Variants in PRKN observed in about 807,000 individuals in gnomAD.
The protein encoded by PRKN is parkin RBR E3 ubiquitin protein ligase.
In PRKN, 56 loss-of-function variants were observed where a neutral mutation model predicts 59.5. The observed-to-expected ratio is 0.94, with a 90% CI of 0.76 to 1.18. The LOEUF (loss-of-function observed/expected upper bound fraction) is 1.18. PRKN is among the 50% of genes most tolerant of loss of function. PRKN has a pLI of 0.00. For missense variants in PRKN, 657 were observed against 596.4 expected, an observed-to-expected ratio of 1.10 and a Z score of -1.06; for synonymous variants, 250 against 222.1, an observed-to-expected ratio of 1.13 and a Z score of -1.12.
intron 5 of PRKN, among the ~76,000 whole-genome samples, chr6:162,035,698 T>G (rs577835050): frequency 7.2e-5 from 11 of 152,272 alleles, no homozygotes; most frequent in African/African-American, 2.6e-4. Context: ...ATAATACAGT[T>G]TTCAGGGCAG....
At chr6:162,216,259 G>A (rs933879056) in intron 3 of PRKN, among the ~76,000 whole-genome samples, 2 of 151,850 alleles carry the variant, frequency 1.3e-5, no homozygotes, top group East Asian at 1.9e-4. Flanking sequence ...GGCCGGGCGC[G>A]GTGGCTCACG....
At chr6:161,916,995 G>A (rs1056428318) in intron 6 of PRKN, among the ~76,000 whole-genome samples, 15 of 151,600 alleles carry the variant, frequency 9.9e-5, no homozygotes, top group Non-Finnish European at 2.1e-4. Flanking sequence ...GTAGAGAGAG[G>A]GTTTCACCGT....
At position 161,892,746 on chromosome 6, in the gene PRKN, TA is replaced by T. The variant is rs762296809; in HGVS notation, c.734+80555del. Reference sequence around the variant, plus strand: ...AGAGCAATATCCTATCTCTAAACAATAAAAAAAATTAAAAATTTTAAGTTAA... The same window carrying T: ...AGAGCAATATCCTATCTCTAAACAATAAAAAAATTAAAAATTTTAAGTTAA... On this transcript the variant is annotated intron_variant, in intron 6 of 11. Transcript: ENST00000366898. 1.4e-4 allele frequency among the ~76,000 whole-genome samples: 21 copies of T among 152,128 alleles called. No homozygotes were observed. The East Asian group carries it at 3.5e-3, about 25-fold the overall frequency.
At chr6:162,483,398 T>A (rs1470989011) in intron 1 of PRKN, among the ~76,000 whole-genome samples, 1 of 152,094 alleles carries the variant, frequency 6.6e-6, no homozygotes, top group Non-Finnish European at 1.5e-5. Context: ...AAAGTTAATT[T>A]AACTATATGC....
chr6:162,044,252 G>A (rs947398796), intron 5 of PRKN, among the ~76,000 whole-genome samples: 1 of 152,180 alleles, frequency 6.6e-6, no homozygotes, highest in African/African-American at 2.4e-5. Flanking sequence ...ACTTCAACAT[G>A]CTGAGATTAC....
chr6:161,935,450 A>G (rs1349680849), intron 6 of PRKN, among the ~76,000 whole-genome samples: 6 of 150,404 alleles, frequency 4.0e-5, no homozygotes, highest in Non-Finnish European at 1.5e-5. Context: ...GCTACTAGGG[A>G]GGCTGAGGTG....
At chr6:162,182,836 C>T (rs1416991642) in intron 4 of PRKN, among the ~76,000 whole-genome samples, 1 of 152,140 alleles carries the variant, frequency 6.6e-6, no homozygotes, top group Non-Finnish European at 1.5e-5. Flanking sequence ...CTCTTTGTCA[C>T]ACTGTCTTAA....
chr6:161,845,978 G>C (rs562740824), intron 6 of PRKN, among the ~76,000 whole-genome samples: 3 of 152,306 alleles, frequency 2.0e-5, no homozygotes, highest in African/African-American at 7.2e-5. Context: ...GGGAAAAGAG[G>C]AAAACGGGGA....
At chr6:161,837,752 G>A (rs1257991127) in intron 6 of PRKN, among the ~76,000 whole-genome samples, 2 of 152,192 alleles carry the variant, frequency 1.3e-5, no homozygotes, top group Non-Finnish European at 2.9e-5. Flanking sequence ...GCTTCAATCT[G>A]TCCACTTGGG....
At chr6:161,798,045 C>A (rs1299978677) in intron 6 of PRKN, among the ~76,000 whole-genome samples, 1 of 152,058 alleles carries the variant, frequency 6.6e-6, no homozygotes, top group Non-Finnish European at 1.5e-5. Flanking sequence ...ACTAAAACTA[C>A]AAAAAATTAA....
At chr6:161,749,284 C>T (rs778431801) in intron 7 of PRKN, among the ~76,000 whole-genome samples, 3 of 152,126 alleles carry the variant, frequency 2.0e-5, no homozygotes, top group African/African-American at 4.8e-5. Flanking sequence ...CACAGAGCAA[C>T]GAGCAAAGTG....
chr6:161,431,341 C>T lies in PRKN; in HGVS notation c.1084-44464G>A, dbSNP rs182008989. ...ACATAACAAATGTTTTTAGGAACTA[C>T]GAAATTTTTAAATTTAATACTAGAT... On this transcript the variant is annotated intron_variant, in intron 9 of 11. Transcript: ENST00000366898. 2.1e-3 allele frequency among the ~76,000 whole-genome samples: 314 copies of T among 151,714 alleles called. 4 individuals carry two copies. Among genetic ancestry groups the T allele is most frequent in the Non-Finnish European group, 5.9e-4 (40 of 67,928 alleles).
chr6:162,057,144 T>C (rs1041505081), intron 4 of PRKN, among the ~76,000 whole-genome samples: 1 of 151,872 alleles, frequency 6.6e-6, no homozygotes, highest in Non-Finnish European at 1.5e-5. Flanking sequence ...CATAGGAGGG[T>C]CGGGGCTCAT....
Position 161,551,630 on chromosome 6 carries a change from C to T in PRKN, c.934-2627G>A, listed in dbSNP as rs1249118786. 6.6e-6 allele frequency among the ~76,000 whole-genome samples: 1 copy of T among 151,922 alleles called. No homozygotes were observed. The highest frequency in any genetic ancestry group is 2.4e-5 in the African/African-American group (1 of 41,342). On this transcript the variant is annotated intron_variant, in intron 8 of 11. Coordinates refer to ENST00000366898, the MANE Select transcript of PRKN (RefSeq NM_004562.3). This position sits in a 1 kb window ranked among gnomAD's most constrained non-coding sequence, Gnocchi z 5.2. ...AAGTCATTTCAGTGGAGTCATGGAG[C>T]CAAAAGCCTTTGGAGTGGAGTCCAG...
intron 7 of PRKN, among the ~76,000 whole-genome samples, chr6:161,765,346 G>A (rs1443096009): frequency 6.6e-6 from 1 of 152,162 alleles, no homozygotes; most frequent in Non-Finnish European, 1.5e-5. Flanking sequence ...ACCTCCTTAT[G>A]ATTTAGATTA....
chr6:162,022,640 ATTGT>A (rs1783251956), intron 5 of PRKN, among the ~76,000 whole-genome samples: 2 of 151,896 alleles, frequency 1.3e-5, no homozygotes, highest in African/African-American at 4.8e-5. Context: ...TACTCTGTTG[ATTGT>A]TTCTTTTGCT....
At chr6:161,652,874 G>T (rs73595399) in intron 7 of PRKN, among the ~76,000 whole-genome samples, 1 of 152,162 alleles carries the variant, frequency 6.6e-6, no homozygotes, top group Non-Finnish European at 1.5e-5. Context: ...TATAAAAGCT[G>T]AATTTGCTTT....
chr6:162,236,957 C>T (rs1398208287), intron 3 of PRKN, among the ~76,000 whole-genome samples: 2 of 151,930 alleles, frequency 1.3e-5, no homozygotes, highest in African/African-American at 2.4e-5. Context: ...AGAAAAGCCC[C>T]TTTTGCCTAA....
chr6:162,001,427 C>T (rs577239728), intron 5 of PRKN, among the ~76,000 whole-genome samples: 10 of 151,938 alleles, frequency 6.6e-5, no homozygotes, highest in South Asian at 6.2e-4. Flanking sequence ...TATGTTATTG[C>T]GTTCTTAATC....
Sources: gnomAD v4.1 joint callset for allele counts (sites outside exome capture counted in the v4.1 genomes callset) on GRCh38, gnomAD v4.1.1 for gene constraint, Gnocchi (gnomAD v3.1) non-coding constraint, MANE v1.5 for transcripts, NCBI Gene and HGNC (gene_info 2026-07-23, HGNC 2026-07-21) for gene names.